Variants in SGCD observed in about 807,000 individuals in gnomAD.
SGCD encodes the protein sarcoglycan delta.
A neutral mutation model predicts 36.6 loss-of-function variants in SGCD; 18 were observed. The ratio of observed to expected loss-of-function variants is 0.49; its 90% confidence interval spans 0.34 to 0.73. The LOEUF is 0.73. Ranked by LOEUF, SGCD falls within the 30% of genes least tolerant of loss-of-function variation. SGCD has a pLI of 0.01. For missense variants in SGCD, 387 were observed against 346.7 expected (o/e 1.12, Z -0.92); for synonymous variants, 133 against 130.6 (o/e 1.02, Z -0.12).
intron 1 of SGCD, among the ~76,000 whole-genome samples, chr5:156,067,629 G>T (rs1399367530): frequency 9.5e-6 from 1 of 105,316 alleles, no homozygotes; most frequent in Non-Finnish European, 1.7e-5. Flanking sequence ...CCAGGTGTGG[G>T]ATATAGTCTC....
At chr5:156,179,218 T>C (rs1763545198) in intron 3 of SGCD, among the ~76,000 whole-genome samples, 1 of 151,882 alleles carries the variant, frequency 6.6e-6, no homozygotes, top group Non-Finnish European at 1.5e-5. Flanking sequence ...TACATATAGT[T>C]TTTTTCTTAA....
chr5:156,090,652 A>G (rs911677048), intron 1 of SGCD, among the ~76,000 whole-genome samples: 1 of 152,204 alleles, frequency 6.6e-6, no homozygotes, highest in African/African-American at 2.4e-5. Flanking sequence ...TCTGACTAGA[A>G]TTCACCAGGC....
At chr5:155,764,693 A>T in the SGCD span, among the ~76,000 whole-genome samples, 2 of 152,164 alleles carry the variant, frequency 1.3e-5, no homozygotes, top group East Asian at 1.9e-4. Flanking sequence ...GTGGGGAATT[A>T]TACTCCATTC....
chr5:156,169,362 A>AT (rs1433888157), intron 3 of SGCD, among the ~76,000 whole-genome samples: 1 of 152,076 alleles, frequency 6.6e-6, no homozygotes, highest in Admixed American at 6.6e-5. Flanking sequence ...TTTTGTAAAC[A>AT]TTTTTTCTCC....
At chr5:156,319,372 G>T (rs1406838526) in intron 3 of SGCD, among the ~76,000 whole-genome samples, 2 of 152,190 alleles carry the variant, frequency 1.3e-5, no homozygotes, top group African/African-American at 4.8e-5. Flanking sequence ...AGGGTTAAAG[G>T]CAAATGAGAC....
At chr5:156,707,338 T>G (rs1754787110) in intron 7 of SGCD, among the ~76,000 whole-genome samples, 1 of 152,160 alleles carries the variant, frequency 6.6e-6, no homozygotes, top group South Asian at 2.1e-4. Context: ...AGTTATCTCT[T>G]TAGACTGACA....
At chr5:155,989,115 C>T (rs888934705) in intron 1 of SGCD, among the ~76,000 whole-genome samples, 23 of 152,102 alleles carry the variant, frequency 1.5e-4, no homozygotes, top group Admixed American at 6.5e-5. Flanking sequence ...AAATCCATTT[C>T]GGGACTTGTA....
rs561217088 is a variant in SGCD at position 156,347,447 on chromosome 5, A to G, written c.192+2770A>G. 4.6e-5 allele frequency among the ~76,000 whole-genome samples: 7 copies of G among 152,330 alleles called. No homozygotes were observed. In the South Asian group the frequency reaches 1.4e-3, roughly 32 times the overall value. ...TAAAGACATTTAAAAGATGGAATTG[A>G]TATACCTTGACTTCTGGTTGGATGT... On this transcript the variant is annotated intron_variant, in intron 3 of 8. Transcript: ENST00000337851.
chr5:156,613,871 G>A (rs1252268190), intron 6 of SGCD, among the ~76,000 whole-genome samples: 7 of 152,088 alleles, frequency 4.6e-5, no homozygotes. Flanking sequence ...TCTCTGTAAG[G>A]GGCTGAACTA....
At chr5:156,423,129 A>C (rs1773399307) in intron 3 of SGCD, among the ~76,000 whole-genome samples, 1 of 109,272 alleles carries the variant, frequency 9.2e-6, no homozygotes, top group Non-Finnish European at 1.9e-5. Flanking sequence ...ATATTAATTA[A>C]TTAATAATTA....
intron 3 of SGCD, among the ~76,000 whole-genome samples, chr5:156,375,387 C>T (rs1197992774): frequency 6.9e-6 from 1 of 145,114 alleles, no homozygotes; most frequent in Non-Finnish European, 1.5e-5. Context: ...CAGTAATATC[C>T]TTCACAGCTT....
At chr5:155,832,488 T>C in the SGCD span, among the ~76,000 whole-genome samples, 545 of 152,268 alleles carry the variant, frequency 3.6e-3, 4 homozygotes, top group African/African-American at 0.012. Flanking sequence ...CATGGTTGGC[T>C]CCAGTCTATT....
At chr5:155,874,791 G>A (rs1755732297) in intron 1 of SGCD, among the ~76,000 whole-genome samples, 1 of 152,094 alleles carries the variant, frequency 6.6e-6, no homozygotes. Flanking sequence ...TGGAGCAAAT[G>A]GAAGTCTCAC....
At chr5:156,378,871 G>A (rs1028186383) in intron 3 of SGCD, among the ~76,000 whole-genome samples, 3 of 152,194 alleles carry the variant, frequency 2.0e-5, no homozygotes, top group East Asian at 1.9e-4. Flanking sequence ...TTTTAAAAAT[G>A]TATATTGCAT....
chr5:155,882,314 A>T (rs1435551513), intron 1 of SGCD, among the ~76,000 whole-genome samples: 1 of 152,012 alleles, frequency 6.6e-6, no homozygotes, highest in Non-Finnish European at 1.5e-5. Context: ...TCTGGGCTCA[A>T]GGGATCCACC....
intron 1 of SGCD, among the ~76,000 whole-genome samples, chr5:156,067,652 T>C (rs1474890452): frequency 1.8e-5 from 2 of 112,238 alleles, no homozygotes; most frequent in Non-Finnish European, 3.3e-5. Context: ...GGTGCGCCGT[T>C]TCTTAAGCCG....
At chr5:156,005,277 T>C (rs1758734080) in intron 1 of SGCD, among the ~76,000 whole-genome samples, 1 of 152,170 alleles carries the variant, frequency 6.6e-6, no homozygotes, top group South Asian at 2.1e-4. Flanking sequence ...GGGCTTCTGA[T>C]TGATCTTGCT....
chr5:156,094,786 AG>A (rs1761335981), intron 1 of SGCD, among the ~76,000 whole-genome samples: 1 of 152,120 alleles, frequency 6.6e-6, no homozygotes, highest in African/African-American at 2.4e-5. Flanking sequence ...GCAGATCATG[AG>A]GTCAAGAGAT....
At chr5:156,609,318 G>A (rs542589284) in intron 6 of SGCD, among the ~76,000 whole-genome samples, 1 of 152,166 alleles carries the variant, frequency 6.6e-6, no homozygotes, top group South Asian at 2.1e-4. Flanking sequence ...TAGTTTGGCT[G>A]GATATGAGAT....
Sources: allele counts gnomAD v4.1 joint callset (sites outside exome capture counted in the v4.1 genomes callset), GRCh38; gene constraint gnomAD v4.1.1; transcripts MANE v1.5; gene names NCBI Gene and HGNC (gene_info 2026-07-23, HGNC 2026-07-21).